The following AHNAK2 variants were observed in gnomAD, a reference collection of about 807,000 sequenced individuals.
AHNAK2 encodes the protein AHNAK nucleoprotein 2.
AHNAK2 carries 18 observed loss-of-function variants against 30.7 expected under a neutral mutation model. The ratio of observed to expected loss-of-function variants is 0.59; its 90% confidence interval spans 0.41 to 0.87. The LOEUF (loss-of-function observed/expected upper bound fraction) is 0.87, where lower values mean the gene tolerates loss of function less well. Among genes scored for constraint, AHNAK2 ranks in the 40% least tolerant of loss-of-function variants. The probability of loss-of-function intolerance (pLI) is 0.00; values close to 1 mark genes in which losing one functional copy is unlikely to be tolerated. For missense variants in AHNAK2, 8,604 were observed against 7,373.0 expected (o/e 1.17, Z -6.11); for synonymous variants, 3,590 against 3,073.8 (o/e 1.17, Z -5.56).
In AHNAK2 at chr14:104,947,971, C is replaced by T. The variant is rs188971680; in HGVS notation, c.7480G>A (p.Gly2494Arg). The T allele has an allele frequency of 8.1e-5, 131 of 1,612,010 alleles. No individual in the cohort carries two copies. The East Asian group carries it at 1.2e-3, about 14-fold the overall frequency. The change falls in exon 7 of 7, where the codon GGG (glycine) becomes AGG (arginine). Residue 2494 changes from glycine (G) to arginine (R), a missense_variant. Gly to Arg is a moderately radical substitution (Grantham distance 125, BLOSUM62 -2). Transcript: ENST00000333244. ...KIPKFKMPSF[G>R]VSAPGKSIEA... ...ATGGACTTGCCTGGGGCAGACACCC[C>T]GAATGACGGCATCTTGAACTTGGGA... is the stretch of plus-strand genomic sequence containing the variant.
intron 1 of AHNAK2, among the ~76,000 whole-genome samples, chr14:104,964,218 C>T (rs1294195341): frequency 6.6e-6 from 1 of 152,210 alleles, no homozygotes; most frequent in Non-Finnish European, 1.5e-5. Flanking sequence ...GATATTCAAC[C>T]AGCCGATTAG....
In AHNAK2 at chr14:104,949,856, G is replaced by C; in HGVS notation, c.5595C>G (p.Asp1865Glu). ...GAATGCAGAGGTCCGTGGTCTTGAG[G>C]TCCCCCTGCATGGAGGGGAGGCTCA... Reference protein sequence around the residue: ...AEVSLPSMQGDLKTTDLCIPL... With the variant: ...AEVSLPSMQGELKTTDLCIPL... Residue 1865 changes from aspartate (D) to glutamate (E), a missense_variant, in exon 7 of 7, where the codon GAC becomes GAG. Physicochemically the swap from Asp to Glu is conservative, Grantham distance 45. Transcript: ENST00000333244. 1 of 1,587,796 alleles carries C rather than the reference G, an allele frequency of 6.3e-7. No homozygotes were observed. Among genetic ancestry groups the C allele is most frequent in the Non-Finnish European group, 8.6e-7 (1 of 1,163,176 alleles).
Position 104,943,002 on chromosome 14 carries a change from T to G in AHNAK2, c.12449A>C (p.Lys4150Thr), listed in dbSNP as rs756636819. ...MPSFGVSAPG[K>T]SMEASVDVSE... is the part of the protein sequence containing the mutation. ...CACATCCACGGACGCCTCCATGGAC[T>G]TGCCTGGGGCCGACACCCCGAATGA... Residue 4150 changes from lysine to threonine, a missense_variant, in exon 7 of 7, where the codon AAG becomes ACG. Coordinates refer to ENST00000333244, the MANE Select transcript of AHNAK2 (RefSeq NM_138420.4). 5 of 1,613,228 alleles carry G rather than the reference T, an allele frequency of 3.1e-6. No homozygotes were observed. In the Admixed American group the frequency reaches 6.7e-5, roughly 22 times the overall value.
Position 104,952,320 on chromosome 14 carries a change from G to A in AHNAK2, c.3131C>T (p.Thr1044Ile), listed in dbSNP as rs773155691. ...AGAAGCAGGCTGAATGCTGAGGTCA[G>A]TGGTCTTCAGGTCCCCCTGCATGGA... Reference protein sequence around the residue: ...LPSMQGDLKTTDLSIQPASTD... With the variant: ...LPSMQGDLKTIDLSIQPASTD... Residue 1044 changes from threonine to isoleucine, a missense_variant, in exon 7 of 7, where the codon ACT (threonine) becomes ATT (isoleucine). Coordinates refer to ENST00000333244, the MANE Select transcript of AHNAK2 (RefSeq NM_138420.4). 1.1e-5 allele frequency: 18 copies of A among 1,612,402 alleles called. No homozygotes were observed. Among genetic ancestry groups the A allele is most frequent in the Non-Finnish European group, 1.5e-5 (18 of 1,179,556 alleles).
chr14:104,971,145 C>A (rs1007503895), intron 1 of AHNAK2, among the ~76,000 whole-genome samples: 1 of 152,150 alleles, frequency 6.6e-6, no homozygotes. Flanking sequence ...GAAACAGGGT[C>A]TCTCTCTCAC....
Position 104,956,675 on chromosome 14 carries a change from G to GC in AHNAK2, c.227dup (p.Arg77GlnfsTer76). ...TCCGTCTCCCAGCAGAACCTTGCCT[G>GC]CCGGGGGCGTCTTCCTGCAGCCACA... On this transcript the variant is annotated frameshift_variant, in exon 4 of 7. Coordinates refer to ENST00000333244, the MANE Select transcript of AHNAK2 (RefSeq NM_138420.4). LOFTEE classifies it high-confidence loss of function. The GC allele has an allele frequency of 6.2e-7, 1 of 1,613,674 alleles. No homozygotes were observed. The highest frequency in any genetic ancestry group is 8.5e-7 in the Non-Finnish European group (1 of 1,179,838).
Position 104,938,731 on chromosome 14 carries a change from A to G in AHNAK2, c.16720T>C (p.Phe5574Leu). 1 of 1,613,716 alleles carries G rather than the reference A, an allele frequency of 6.2e-7. No individual in the cohort carries two copies. The highest frequency in any genetic ancestry group is 8.5e-7 in the Non-Finnish European group (1 of 1,179,834). The change falls in exon 7 of 7, where the codon TTT (phenylalanine) becomes CTT (leucine). Residue 5574 changes from phenylalanine (F) to leucine (L), a missense_variant. By Grantham distance (22) the Phe-to-Leu change is conservative (BLOSUM62 0). Transcript: ENST00000333244. Reference sequence around the variant, plus strand: ...TTGACGCTGGAAGAGATCATCTCAAATGGTTCTCCAGTGTCAGGCTGGAGA... The same window carrying G: ...TTGACGCTGGAAGAGATCATCTCAAGTGGTTCTCCAGTGTCAGGCTGGAGA... ...GDLQPDTGEP[F>L]EMISSSVNVL...
chr14:104,949,910 A>G lies in AHNAK2; in HGVS notation c.5541T>C (p.Asp1847=), dbSNP rs754552490. The G allele has an allele frequency of 5.3e-5, 84 of 1,589,030 alleles. 3 individuals are homozygous for G. The African/African-American group carries it at 7.4e-4, about 14-fold the overall frequency. Reference sequence around the variant, plus strand: ...CGGCCTCCACCTTCGGCGCAGACACATCCACCGAGGCCTCGATGGACTTGC... The same window carrying G: ...CGGCCTCCACCTTCGGCGCAGACACGTCCACCGAGGCCTCGATGGACTTGC... ...APGKSIEASV[D]VSAPKVEAEV... Residue 1847 remains aspartate, a synonymous_variant, in exon 7 of 7, where the codon GAT becomes GAC. Transcript: ENST00000333244.
At chr14:104,955,404 AC>A in intron 5 of AHNAK2, 78 bp downstream of exon 5, 2 of 1,522,974 alleles carry the variant, frequency 1.3e-6, no homozygotes, top group Non-Finnish European at 1.8e-6. Context: ...TGTGGTTCTT[AC>A]CCCTCAATAC....
chr14:104,955,132 A>C lies in AHNAK2; in HGVS notation c.476T>G (p.Leu159Arg). The C allele has an allele frequency of 6.2e-7, 1 of 1,608,346 alleles. No individual in the cohort carries two copies. Among genetic ancestry groups the C allele is most frequent in the Non-Finnish European group, 8.5e-7 (1 of 1,178,308 alleles). Residue 159 changes from leucine (L) to arginine (R), a missense_variant, in exon 6 of 7, where the codon CTG (leucine) becomes CGG (arginine). Coordinates refer to ENST00000333244, the MANE Select transcript of AHNAK2 (RefSeq NM_138420.4). ...KLFNLREGDQ[L>R]LSTTVFFENI... ...TTCAAAGAACACGGTTGTACTGAGCAGCTGATCCCCTAGACCAAGAAAGAG... is the reference window on the plus strand; with the variant it reads ...TTCAAAGAACACGGTTGTACTGAGCCGCTGATCCCCTAGACCAAGAAAGAG...
rs546195859 is a variant in AHNAK2 at position 104,949,180 on chromosome 14, C to A, written c.6271G>T (p.Val2091Leu). The change falls in exon 7 of 7, where the codon GTG becomes TTG. Residue 2091 changes from valine to leucine, a missense_variant. By Grantham distance (32) the Val-to-Leu change is conservative (BLOSUM62 1). Coordinates refer to ENST00000333244, the MANE Select transcript of AHNAK2 (RefSeq NM_138420.4). The part of the protein sequence containing the change: ...MPKVDLKGPQ[V>L]DIKGPKLDLK... The stretch of plus-strand genomic sequence containing the variant: ...TCCAGTTTGGGGCCCTTGATGTCCA[C>A]CTGGGGGCCCTTGAGGTCCACTTTG... 1 of 1,066,522 alleles carries A rather than the reference C, an allele frequency of 9.4e-7. No homozygotes were observed. The highest frequency in any genetic ancestry group is 1.4e-5 in the African/African-American group (1 of 70,710). 66.1% of individuals were successfully genotyped at this position (1,066,522 alleles called of 1,614,324 possible).
In AHNAK2 at chr14:104,946,407, G is replaced by A; in HGVS notation, c.9044C>T (p.Pro3015Leu). Reference sequence around the variant, plus strand: ...GGTCTTCAGGTCCCCCTGCATGGAGGGGAGGCTCACTTCGGCCTCCACCTT... The same window carrying A: ...GGTCTTCAGGTCCCCCTGCATGGAGAGGAGGCTCACTTCGGCCTCCACCTT... ...APKVEAEVSL[P>L]SMQGDLKTTD... The change falls in exon 7 of 7, where the codon CCC (proline) becomes CTC (leucine). Residue 3015 changes from proline to leucine, a missense_variant. Transcript: ENST00000333244. 4 of 1,612,624 alleles carry A rather than the reference G, an allele frequency of 2.5e-6. No homozygotes were observed. Among genetic ancestry groups the A allele is most frequent in the Non-Finnish European group, 3.4e-6 (4 of 1,179,534 alleles).
intron 1 of AHNAK2, among the ~76,000 whole-genome samples, chr14:104,963,754 C>T (rs555350725): frequency 1.5e-4 from 23 of 150,736 alleles, no homozygotes; most frequent in South Asian, 6.3e-4. Flanking sequence ...GGCGTGAACC[C>T]GGGAGGCGGA....
intron 1 of AHNAK2, among the ~76,000 whole-genome samples, chr14:104,973,326 C>T (rs908783819): frequency 6.6e-6 from 1 of 152,190 alleles, no homozygotes; most frequent in Non-Finnish European, 1.5e-5. Flanking sequence ...CTGAGGGCAG[C>T]GGATGGTGAA....
Position 104,950,087 on chromosome 14 carries a change from G to C in AHNAK2, c.5364C>G (p.Ser1788Arg), listed in dbSNP as rs769675467. Residue 1788 changes from serine (S) to arginine (R), a missense_variant, in exon 7 of 7, where the codon AGC becomes AGG. Ser to Arg is a moderately radical substitution (Grantham distance 110, BLOSUM62 -1). Transcript: ENST00000333244. Reference protein sequence around the residue: ...MAPDVEVSLPSVEVDVEAPGA... With the variant: ...MAPDVEVSLPRVEVDVEAPGA... Reference sequence around the variant, plus strand: ...CTGGAGCCTCGACGTCCACCTCCACGCTGGGCAGAGACACCTCCACGTCGG... The same window carrying C: ...CTGGAGCCTCGACGTCCACCTCCACCCTGGGCAGAGACACCTCCACGTCGG... 3.2e-6 allele frequency: 5 copies of C among 1,586,754 alleles called. 1 individual carries two copies. In the African/African-American group the frequency reaches 5.5e-5, roughly 18 times the overall value.
chr14:104,947,684 C>A lies in AHNAK2; in HGVS notation c.7767G>T (p.Lys2589Asn). 6.2e-7 allele frequency: 1 copy of A among 1,612,996 alleles called. No homozygotes were observed. The highest frequency in any genetic ancestry group is 8.5e-7 in the Non-Finnish European group (1 of 1,179,634). The change falls in exon 7 of 7, where the codon AAG becomes AAT. Residue 2589 changes from lysine to asparagine, a missense_variant. Physicochemically the swap from Lys to Asn is moderately conservative, Grantham distance 94. Coordinates refer to ENST00000333244, the MANE Select transcript of AHNAK2 (RefSeq NM_138420.4). Reference sequence around the variant, plus strand: ...GGCCTTTCAGGTCCAGCTTGGGGCCCTTGACATCTAGCTGGGGGCCCTTGA... The same window carrying A: ...GGCCTTTCAGGTCCAGCTTGGGGCCATTGACATCTAGCTGGGGGCCCTTGA... ...MDLKGPQLDV[K>N]GPKLDLKGPK...
chr14:104,948,178 C>A lies in AHNAK2; in HGVS notation c.7273G>T (p.Gly2425Cys), dbSNP rs1374245993. 1 of 1,612,602 alleles carries A rather than the reference C, an allele frequency of 6.2e-7. No individual in the cohort carries two copies. The highest frequency in any genetic ancestry group is 1.7e-5 in the Admixed American group (1 of 59,922). ...DLKGPQIDVK[G>C]PKLDLKGPKT... ...GGGCCTTTCAGGTCCAGCTTGGGGC[C>A]CTTGACATCTATCTGGGGGCCCTTG... is the stretch of plus-strand genomic sequence containing the variant. Residue 2425 changes from glycine (G) to cysteine (C), a missense_variant, in exon 7 of 7, where the codon GGC (glycine) becomes TGC (cysteine). By Grantham distance (159) the Gly-to-Cys change is radical (BLOSUM62 -3). Coordinates refer to ENST00000333244, the MANE Select transcript of AHNAK2 (RefSeq NM_138420.4).
chr14:104,938,674 C>T lies in AHNAK2; in HGVS notation c.16777G>A (p.Val5593Ile). The change falls in exon 7 of 7, where the codon GTT (valine) becomes ATT (isoleucine). Residue 5593 changes from valine (V) to isoleucine (I), a missense_variant. Val to Ile is a conservative substitution (Grantham distance 29). Transcript: ENST00000333244. ...VLGQQTLTFEVPSGHQLADSC... is the reference protein window; with the variant it reads ...VLGQQTLTFEIPSGHQLADSC... ...TCTGCAAGCTGGTGGCCAGAAGGAA[C>T]TTCAAATGTGAGTGTTTGCTGTCCC... The T allele has an allele frequency of 3.1e-6, 5 of 1,612,654 alleles. No individual in the cohort carries two copies. The South Asian group carries it at 3.3e-5, about 11-fold the overall frequency.
In AHNAK2 at chr14:104,940,352, A is replaced by G; in HGVS notation, c.15099T>C (p.Ala5033=). 6.2e-7 allele frequency: 1 copy of G among 1,613,838 alleles called. No individual in the cohort carries two copies. Among genetic ancestry groups the G allele is most frequent in the Non-Finnish European group, 8.5e-7 (1 of 1,179,898 alleles). Reference sequence around the variant, plus strand: ...GTGGCAGGCTGACCCCACTCTTAGAAGCCTTCATTTTGGGAAGTGCAAGTT... The same window carrying G: ...GTGGCAGGCTGACCCCACTCTTAGAGGCCTTCATTTTGGGAAGTGCAAGTT... The part of the protein sequence containing the change: ...MPKLALPKMK[A]SKSGVSLPQR... The change falls in exon 7 of 7, where the codon GCT becomes GCC. Residue 5033 remains alanine, a synonymous_variant. Coordinates refer to ENST00000333244, the MANE Select transcript of AHNAK2 (RefSeq NM_138420.4). The surrounding 1 kb of genome is among the most constrained non-coding windows in gnomAD (Gnocchi z 4.4).
Sources: allele counts gnomAD v4.1 joint callset (sites outside exome capture counted in the v4.1 genomes callset), GRCh38; gene constraint gnomAD v4.1.1; non-coding constraint Gnocchi (gnomAD v3.1); transcripts MANE v1.5; gene names NCBI Gene and HGNC (gene_info 2026-07-23, HGNC 2026-07-21).